The following LOXHD1 variants were observed in gnomAD, a reference collection of about 807,000 sequenced individuals.
LOXHD1 encodes lipoxygenase homology domain-containing protein 1.
LOXHD1 carries 205 observed loss-of-function variants against 248.2 expected under a neutral mutation model. The ratio of observed to expected loss-of-function variants is 0.83; its 90% CI spans 0.74 to 0.93. LOXHD1 has a LOEUF of 0.93. Among genes scored for constraint, LOXHD1 ranks in the 40% least tolerant of loss-of-function variants. The pLI, the probability that LOXHD1 is intolerant of heterozygous loss-of-function variation, is 0.00. For synonymous variants in LOXHD1, 1,113 were observed against 1,162.8 expected (o/e 0.96, Z 0.87); for missense variants, 2,930 against 2,971.6 (o/e 0.99, Z 0.33).
Position 46,539,001 on chromosome 18 carries a change from T to C in LOXHD1, c.3914-664A>G, listed in dbSNP as rs561119285. On this transcript the variant is annotated intron_variant, in intron 25 of 40. Transcript: ENST00000642948. ...GAGGCGAGGGCTGCACCAGGGTTTA[T>C]TGGTCCCACCAGGGACTATCTCCCC... Among the ~76,000 whole-genome samples, 21 of 152,304 alleles carry C rather than the reference T, an allele frequency of 1.4e-4. No homozygotes were observed. In the South Asian group the frequency reaches 4.4e-3, roughly 32 times the overall value.
intron 11 of LOXHD1, 144 bp downstream of exon 11, chr18:46,592,354 T>C (rs111809269): frequency 3.9e-6 from 3 of 763,700 alleles, no homozygotes; most frequent in Admixed American, 5.7e-5. Context: ...GTGGCCTGTA[T>C]CCAAATTCAG....
In LOXHD1 at chr18:46,601,239, T is replaced by C; in HGVS notation, c.1112A>G (p.Asn371Ser). 6.4e-7 allele frequency: 1 copy of C among 1,551,674 alleles called. No homozygotes were observed. The highest frequency in any genetic ancestry group is 8.7e-7 in the Non-Finnish European group (1 of 1,146,950). ...VSVGHGNVGV[N>S]RGWFCEKVVI... ...TACCTTCTCACAGAACCAGCCTCTG[T>C]TGACACCCACATTGCCATGCCCGAC... Residue 371 changes from asparagine to serine, a missense_variant, in exon 8 of 41, where the codon AAC (asparagine) becomes AGC (serine). By Grantham distance (46) the Asn-to-Ser change is conservative (BLOSUM62 1). Coordinates refer to ENST00000642948, the MANE Select transcript of LOXHD1 (RefSeq NM_001384474.1).
chr18:46,603,573 A>C (rs1156256834), intron 7 of LOXHD1, among the ~76,000 whole-genome samples: 3 of 152,186 alleles, frequency 2.0e-5, no homozygotes, highest in Admixed American at 2.0e-4. Context: ...TGTGGAATTC[A>C]TACAGGTTAG....
In LOXHD1 at chr18:46,557,345, C is replaced by T; in HGVS notation, c.3350+11G>A. The T allele has an allele frequency of 6.4e-7, 1 of 1,552,362 alleles. No individual in the cohort carries two copies. The highest frequency in any genetic ancestry group is 8.7e-7 in the Non-Finnish European group (1 of 1,147,148). On this transcript the variant is annotated intron_variant, in intron 21 of 40. Coordinates refer to ENST00000642948, the MANE Select transcript of LOXHD1 (RefSeq NM_001384474.1). ...GCAACACCCCTCCCTGCCCACTGCC[C>T]CCACACTCACGTGATCTCGTTGTTC... is the stretch of plus-strand genomic sequence containing the variant.
chr18:46,518,342 C>A (rs1447324057), intron 33 of LOXHD1, 86 bp from the exon 34 acceptor site: 1 of 1,465,204 alleles, frequency 6.8e-7, no homozygotes, highest in African/African-American at 1.4e-5. Context: ...GAGAAAGAGA[C>A]ACACTGTCCA....
At chr18:46,562,908 A>G (rs777050225) in intron 18 of LOXHD1, among the ~76,000 whole-genome samples, 157 bp downstream of exon 18, 1 of 152,132 alleles carries the variant, frequency 6.6e-6, no homozygotes, top group Non-Finnish European at 1.5e-5. Context: ...TTTAGGCCGA[A>G]AGCTCAGGTC....
At chr18:46,580,516 T>G (rs2037942071) in intron 12 of LOXHD1, among the ~76,000 whole-genome samples, 1 of 152,158 alleles carries the variant, frequency 6.6e-6, no homozygotes, top group Non-Finnish European at 1.5e-5. Flanking sequence ...TCACTTAAAG[T>G]AAGCTGAAAA....
Position 46,559,511 on chromosome 18 carries a change from A to G in LOXHD1, c.3153T>C (p.Tyr1051=), listed in dbSNP as rs1476325491. 1.3e-6 allele frequency: 2 copies of G among 1,552,010 alleles called. No individual in the cohort carries two copies. Among genetic ancestry groups the G allele is most frequent in the South Asian group, 1.2e-5 (1 of 84,058 alleles). ...TCAGGGGTCGTTCGCCCGTGTCTCC[A>G]TACTCCTCGCCGTAGATGGTTAGGT... is the stretch of plus-strand genomic sequence containing the variant. ...NVYLTIYGEE[Y]GDTGERPLKK... The change falls in exon 20 of 41, where the codon TAT becomes TAC. Residue 1051 remains tyrosine, a synonymous_variant. Transcript: ENST00000642948.
At chr18:46,480,791 C>T (rs1455421316) in intron 40 of LOXHD1, among the ~76,000 whole-genome samples, 1 of 152,186 alleles carries the variant, frequency 6.6e-6, no homozygotes, top group Non-Finnish European at 1.5e-5. Context: ...CCAAAATGCT[C>T]ATCATGGTGG....
At position 46,577,998 on chromosome 18, in the gene LOXHD1, G is replaced by A. The variant is rs1029614507; in HGVS notation, c.1810-131C>T. ...TAGGCAACTCCTCTTTCACACATGG[G>A]ACAGGAGCTACCTATAAAGCACAGC... On this transcript the variant is annotated intron_variant, in intron 13 of 40. Coordinates refer to ENST00000642948, the MANE Select transcript of LOXHD1 (RefSeq NM_001384474.1). 10 of 883,302 alleles carry A rather than the reference G, an allele frequency of 1.1e-5. No homozygotes were observed. In the South Asian group the frequency reaches 1.4e-4, roughly 13 times the overall value. The allele number at this position is 883,302 out of a possible 1,614,324, so 54.7% of individuals were successfully genotyped here. A position where few individuals can be genotyped will look rare whatever the true frequency, so the allele number is the denominator to read the frequency against.
In LOXHD1 at chr18:46,631,182, G is replaced by A. The variant is rs74955817; in HGVS notation, c.511+8434C>T. On this transcript the variant is annotated intron_variant, in intron 4 of 40. Transcript: ENST00000642948. Reference sequence around the variant, plus strand: ...ATCACCAGGTAGATAGGAGGAGACCGCAGTGTTACCCTCAGAGCAACCTGA... The same window carrying A: ...ATCACCAGGTAGATAGGAGGAGACCACAGTGTTACCCTCAGAGCAACCTGA... 6.6e-4 allele frequency among the ~76,000 whole-genome samples: 100 copies of A among 152,284 alleles called. No individual in the cohort carries two copies. The East Asian group carries it at 0.015, about 23-fold the overall frequency.
At chr18:46,506,116 CA>C in intron 36 of LOXHD1, 93 bp from the exon 37 acceptor site, 1 of 1,372,686 alleles carries the variant, frequency 7.3e-7, no homozygotes, top group South Asian at 1.4e-5. Flanking sequence ...TCAGAGGAGT[CA>C]GGGGTACAGG....
At position 46,477,732 on chromosome 18, in the gene LOXHD1, G is replaced by T. The variant is rs771007568; in HGVS notation, c.6562C>A (p.Arg2188=). The T allele has an allele frequency of 6.4e-7, 1 of 1,551,900 alleles. No individual in the cohort carries two copies. The highest frequency in any genetic ancestry group is 8.7e-7 in the Non-Finnish European group (1 of 1,147,038). The change falls in exon 41 of 41, where the codon CGG becomes AGG. Residue 2188 remains arginine (R), a synonymous_variant. Coordinates refer to ENST00000642948, the MANE Select transcript of LOXHD1 (RefSeq NM_001384474.1). Reference sequence around the variant, plus strand: ...TTGCGCATTTTCTGCTTCAGCTCCCGCTTGCCTGTGTCTCCGTTGGCCCCA... The same window carrying T: ...TTGCGCATTTTCTGCTTCAGCTCCCTCTTGCCTGTGTCTCCGTTGGCCCCA... ...IFGANGDTGK[R]ELKQKMRNLF...
In LOXHD1 at chr18:46,563,082, A is replaced by G; in HGVS notation, c.2581T>C (p.Ser861Pro). 1 of 1,544,028 alleles carries G rather than the reference A, an allele frequency of 6.5e-7. No homozygotes were observed. Reference sequence around the variant, plus strand: ...CCACATACCTGGAATGTGTCCTTGGACGCCCGTTCAAAAACTTTTGAGCGG... The same window carrying G: ...CCACATACCTGGAATGTGTCCTTGGGCGCCCGTTCAAAAACTTTTGAGCGG... ...SSRSKVFERA[S>P]KDTFQLEAAD... is the part of the protein sequence containing the mutation. Residue 861 changes from serine to proline, a missense_variant, in exon 18 of 41, where the codon TCC becomes CCC. Coordinates refer to ENST00000642948, the MANE Select transcript of LOXHD1 (RefSeq NM_001384474.1).
intron 4 of LOXHD1, among the ~76,000 whole-genome samples, chr18:46,622,298 T>C (rs1055949336): frequency 6.6e-6 from 1 of 152,266 alleles, no homozygotes; most frequent in Non-Finnish European, 1.5e-5. Context: ...CAAATGGGTA[T>C]GTGGCTATGC....
rs141514234 is a variant in LOXHD1, at chr18:46,559,520, G to T, written c.3144C>A (p.Gly1048=). The part of the protein sequence containing the change: ...TDANVYLTIY[G]EEYGDTGERP... ...GTTCGCCCGTGTCTCCATACTCCTCGCCGTAGATGGTTAGGTAGACGTTAG... is the reference window on the plus strand; with the variant it reads ...GTTCGCCCGTGTCTCCATACTCCTCTCCGTAGATGGTTAGGTAGACGTTAG... Residue 1048 remains glycine, a synonymous_variant, in exon 20 of 41, where the codon GGC becomes GGA. Transcript: ENST00000642948. 81 of 1,552,010 alleles carry T rather than the reference G, an allele frequency of 5.2e-5. No individual in the cohort carries two copies. In the Admixed American group the frequency reaches 5.7e-4, roughly 11 times the overall value.
At position 46,566,228 on chromosome 18, in the gene LOXHD1, G is replaced by A. The variant is rs1249339816; in HGVS notation, c.2437+29C>T. The A allele has an allele frequency of 2.0e-6, 3 of 1,527,474 alleles. No individual in the cohort carries two copies. In the South Asian group the frequency reaches 3.7e-5, roughly 19 times the overall value. 94.6% of individuals were successfully genotyped at this position (1,527,474 alleles called of 1,614,324 possible). A position where few individuals can be genotyped will look rare whatever the true frequency, so the allele number is the denominator to read the frequency against. On this transcript the variant is annotated intron_variant, in intron 17 of 40. Coordinates refer to ENST00000642948, the MANE Select transcript of LOXHD1 (RefSeq NM_001384474.1). ...AGCCCCATCCCCCATGGGAAACAAT[G>A]GGTGGTCCCACCACAGCCTCCTCCA...
intron 40 of LOXHD1, among the ~76,000 whole-genome samples, chr18:46,480,643 G>C (rs182828028): frequency 6.6e-6 from 1 of 152,162 alleles, no homozygotes; most frequent in African/African-American, 2.4e-5. Flanking sequence ...CTGCTAGAAA[G>C]GGGGGAAGGT....
Position 46,557,416 on chromosome 18 carries a change from C to T in LOXHD1, c.3290G>A (p.Gly1097Asp). 1 of 1,552,298 alleles carries T rather than the reference C, an allele frequency of 6.4e-7. No individual in the cohort carries two copies. Among genetic ancestry groups the T allele is most frequent in the Non-Finnish European group, 8.7e-7 (1 of 1,147,126 alleles). Reference protein sequence around the residue: ...TKIRIRHDNTGNRAGWFLDRI... With the variant: ...TKIRIRHDNTDNRAGWFLDRI... ...GTCCAGGAACCAGCCTGCTCTGTTG[C>T]CTGTGTTGTCGTGGCGAATCCGAAT... Residue 1097 changes from glycine to aspartate, a missense_variant, in exon 21 of 41, where the codon GGC (glycine) becomes GAC (aspartate). Physicochemically the swap from Gly to Asp is moderately conservative, Grantham distance 94. Coordinates refer to ENST00000642948, the MANE Select transcript of LOXHD1 (RefSeq NM_001384474.1).
Sources: gnomAD v4.1 joint callset for allele counts (sites outside exome capture counted in the v4.1 genomes callset) on GRCh38, gnomAD v4.1.1 for gene constraint, MANE v1.5 for transcripts, NCBI Gene and HGNC (gene_info 2026-07-23, HGNC 2026-07-21) for gene names.